The following SPAG16 variants were observed in gnomAD, a reference collection of about 807,000 sequenced individuals.
SPAG16 encodes sperm associated antigen 16.
A neutral mutation model predicts 80.4 loss-of-function variants in SPAG16; 86 were observed. That is an observed-to-expected ratio of 1.07 (90% CI 0.90 to 1.28). The LOEUF is 1.28. SPAG16 is among the 50% of genes most tolerant of loss of function. SPAG16 has a pLI of 0.00. For synonymous variants in SPAG16, 294 were observed against 265.9 expected (o/e 1.11, Z -1.03); for missense variants, 870 against 765.3 (o/e 1.14, Z -1.61).
chr2:213,471,140 A>G (rs564840531), intron 9 of SPAG16, among the ~76,000 whole-genome samples: 71 of 152,240 alleles, frequency 4.7e-4, no homozygotes, highest in Middle Eastern at 3.4e-3. Context: ...TTTGGGTGGT[A>G]CCTGTATATT....
At chr2:213,874,947 AT>A (rs1386760557) in intron 11 of SPAG16, among the ~76,000 whole-genome samples, 1 of 151,982 alleles carries the variant, frequency 6.6e-6, no homozygotes, top group Non-Finnish European at 1.5e-5. Flanking sequence ...CCTTATAGAA[AT>A]ATTATTTTTT....
chr2:213,621,054 A>G (rs1183384182), intron 10 of SPAG16, among the ~76,000 whole-genome samples: 1 of 150,346 alleles, frequency 6.7e-6, no homozygotes, highest in Non-Finnish European at 1.5e-5. Context: ...TACTAAAACT[A>G]AAAACTAGTT....
chr2:214,114,438 G>A (rs2053829720), intron 14 of SPAG16, among the ~76,000 whole-genome samples: 2 of 152,172 alleles, frequency 1.3e-5, no homozygotes, highest in Non-Finnish European at 2.9e-5. Context: ...GCCCACAGAG[G>A]TTGAGTCTAT....
Position 213,532,371 on chromosome 2 carries a change from G to A in SPAG16, c.1070+42281G>A, listed in dbSNP as rs377037754. On this transcript the variant is annotated intron_variant, in intron 10 of 15. Coordinates refer to ENST00000331683, the MANE Select transcript of SPAG16 (RefSeq NM_024532.5). ...TGTGTTAAAAATAATTTGATTTGGG[G>A]AGAAATTTGGAGGCGCTTCAAGGCA... 9.9e-5 allele frequency among the ~76,000 whole-genome samples: 15 copies of A among 152,112 alleles called. No homozygotes were observed. In the East Asian group the frequency reaches 2.7e-3, roughly 27 times the overall value.
intron 8 of SPAG16, chr2:213,364,818 T>C (rs1220812267): frequency 6.6e-6 from 1 of 152,188 alleles, no homozygotes; most frequent in Non-Finnish European, 1.5e-5. Flanking sequence ...GGCCAGAGAT[T>C]GTAGAAGTTA....
intron 15 of SPAG16, among the ~76,000 whole-genome samples, chr2:214,348,690 G>C (rs1183373950): frequency 6.6e-6 from 1 of 152,124 alleles, no homozygotes; most frequent in Non-Finnish European, 1.5e-5. Context: ...TGTAAATGAA[G>C]CTGTCTCAGA....
intron 12 of SPAG16, among the ~76,000 whole-genome samples, chr2:213,975,884 C>A (rs529815342): frequency 6.6e-6 from 1 of 151,528 alleles, no homozygotes; most frequent in Non-Finnish European, 1.5e-5. Flanking sequence ...GGTGGCAGCT[C>A]GGCTGGGTGG....
rs73986909 is a variant in SPAG16 at position 213,740,420 on chromosome 2, A to G, written c.1071-122065A>G. 4.6e-3 allele frequency among the ~76,000 whole-genome samples: 693 copies of G among 152,306 alleles called. 7 individuals are homozygous for G. The highest frequency in any genetic ancestry group is 0.016 in the African/African-American group (647 of 41,560). On this transcript the variant is annotated intron_variant, in intron 10 of 15. Coordinates refer to ENST00000331683, the MANE Select transcript of SPAG16 (RefSeq NM_024532.5). ...TGAAATGGGAGTGGACCAGAAAGGA[A>G]CAGCTGCTCACTACCAAAAAGAGGT...
intron 3 of SPAG16, among the ~76,000 whole-genome samples, chr2:213,304,259 A>G (rs2062853828): frequency 6.6e-6 from 1 of 151,958 alleles, no homozygotes; most frequent in Non-Finnish European, 1.5e-5. Flanking sequence ...TGAGCTCCTT[A>G]TATATTCTGA....
At chr2:213,386,997 T>C (rs1448833270) in intron 9 of SPAG16, among the ~76,000 whole-genome samples, 1 of 152,166 alleles carries the variant, frequency 6.6e-6, no homozygotes, top group East Asian at 1.9e-4. Context: ...CTAAGAATGA[T>C]GATTATACAT....
intron 10 of SPAG16, among the ~76,000 whole-genome samples, chr2:213,534,482 T>C (rs1205237538): frequency 6.6e-6 from 1 of 152,100 alleles, no homozygotes; most frequent in African/African-American, 2.4e-5. Flanking sequence ...TTGGAAATAA[T>C]CTAAATTTAC....
At chr2:213,385,133 G>A (rs930292599) in intron 9 of SPAG16, among the ~76,000 whole-genome samples, 1 of 152,088 alleles carries the variant, frequency 6.6e-6, no homozygotes. Flanking sequence ...CGTATTCTCT[G>A]GTCATCCGGT....
chr2:214,036,661 C>A (rs186607351), intron 13 of SPAG16, among the ~76,000 whole-genome samples: 1 of 152,226 alleles, frequency 6.6e-6, no homozygotes, highest in East Asian at 1.9e-4. Flanking sequence ...ACAAACAGCT[C>A]CCATTATTTA....
intron 10 of SPAG16, among the ~76,000 whole-genome samples, chr2:213,589,811 A>T (rs2060618295): frequency 6.6e-6 from 1 of 151,664 alleles, no homozygotes; most frequent in East Asian, 1.9e-4. Context: ...AATCCCACCT[A>T]TTCGGGTGGC....
At chr2:213,585,195 A>T (rs1159622485) in intron 10 of SPAG16, among the ~76,000 whole-genome samples, 6 of 152,032 alleles carry the variant, frequency 3.9e-5, no homozygotes, top group Admixed American at 3.9e-4. Flanking sequence ...ATCTCAAAAA[A>T]AAAAAAAAAG....
chr2:214,085,053 C>A (rs1243792129), intron 13 of SPAG16, among the ~76,000 whole-genome samples: 2 of 152,138 alleles, frequency 1.3e-5, no homozygotes, highest in East Asian at 1.9e-4. Flanking sequence ...TGCTTTACTT[C>A]AGTCTTTAAT....
At chr2:213,990,188 A>G (rs2046207942) in intron 12 of SPAG16, among the ~76,000 whole-genome samples, 2 of 152,152 alleles carry the variant, frequency 1.3e-5, no homozygotes, top group Non-Finnish European at 2.9e-5. Flanking sequence ...TTATATAAAA[A>G]TAATATCCCT....
chr2:213,691,209 C>A (rs2064931583), intron 10 of SPAG16, among the ~76,000 whole-genome samples: 1 of 152,128 alleles, frequency 6.6e-6, no homozygotes, highest in Admixed American at 6.5e-5. Context: ...TAAAGATAAC[C>A]CTCAATAAAC....
chr2:213,945,839 AT>A (rs992554699), intron 12 of SPAG16, among the ~76,000 whole-genome samples: 44 of 152,148 alleles, frequency 2.9e-4, no homozygotes, highest in African/African-American at 1.0e-3. Flanking sequence ...AATGTTTATT[AT>A]TTTAGCCACC....
Sources: allele counts gnomAD v4.1 joint callset (sites outside exome capture counted in the v4.1 genomes callset), GRCh38; gene constraint gnomAD v4.1.1; transcripts MANE v1.5; gene names NCBI Gene and HGNC (gene_info 2026-07-23, HGNC 2026-07-21).